The following PTPRG variants were observed in gnomAD, a reference collection of about 807,000 sequenced individuals.
The protein encoded by PTPRG is protein tyrosine phosphatase receptor type G.
Under a neutral mutation model 165.3 loss-of-function variants are expected in PTPRG, and 102 were observed. The observed-to-expected ratio is 0.62, with a 90% CI of 0.53 to 0.73. The LOEUF (loss-of-function observed/expected upper bound fraction) is 0.73, where lower values mean the gene tolerates loss of function less well. Among genes scored for constraint, PTPRG ranks in the 30% least tolerant of loss-of-function variants. The pLI is 0.00. For synonymous variants in PTPRG, 675 were observed against 669.5 expected (o/e 1.01, Z -0.13); for missense variants, 1,866 against 1,861.4 (o/e 1.00, Z -0.05).
intron 2 of PTPRG, among the ~76,000 whole-genome samples, chr3:61,827,662 A>G (rs926798939): frequency 5.9e-5 from 9 of 152,144 alleles, no homozygotes; most frequent in African/African-American, 1.9e-4. Flanking sequence ...GCATATATAT[A>G]TATCTTTCAA....
At chr3:61,858,280 T>C (rs1158746817) in intron 2 of PTPRG, among the ~76,000 whole-genome samples, 1 of 152,184 alleles carries the variant, frequency 6.6e-6, no homozygotes, top group Non-Finnish European at 1.5e-5. Flanking sequence ...AGAAGCCTAG[T>C]TCAGAAAGTA....
intron 1 of PTPRG, among the ~76,000 whole-genome samples, chr3:61,647,394 G>T (rs1411880212): frequency 1.3e-5 from 2 of 152,144 alleles, no homozygotes; most frequent in Non-Finnish European, 2.9e-5. Context: ...CCAAAGGAGG[G>T]TCAATACCAT....
intron 1 of PTPRG, among the ~76,000 whole-genome samples, chr3:61,728,305 T>C (rs557601427): frequency 1.2e-4 from 19 of 152,278 alleles, no homozygotes; most frequent in Admixed American, 1.0e-3. Context: ...TTTAAAGCTA[T>C]GCATGGTGGT....
intron 2 of PTPRG, among the ~76,000 whole-genome samples, chr3:61,838,001 C>T (rs2036521656): frequency 6.6e-6 from 1 of 152,194 alleles, no homozygotes; most frequent in Non-Finnish European, 1.5e-5. Flanking sequence ...CACATTTAAC[C>T]TTATTCACCC....
In PTPRG at chr3:62,219,061, C is replaced by A. The variant is rs191618056; in HGVS notation, c.2288+78C>A. ...TTTTGCTCACGGGAGGGGAATCCCA[C>A]GGCCTCTGCATTCAGGAAGGTGAGG... On this transcript the variant is annotated intron_variant, in intron 13 of 29. Coordinates refer to ENST00000474889, the MANE Select transcript of PTPRG (RefSeq NM_002841.4). The surrounding 1 kb of genome is among the most constrained non-coding windows in gnomAD (Gnocchi z 4.5). The A allele has an allele frequency of 1.9e-6, 3 of 1,543,360 alleles. No individual in the cohort carries two copies. The East Asian group carries it at 6.9e-5, about 35-fold the overall frequency.
intron 2 of PTPRG, among the ~76,000 whole-genome samples, chr3:61,945,726 T>C (rs1461279243): frequency 6.6e-6 from 1 of 152,082 alleles, no homozygotes; most frequent in Non-Finnish European, 1.5e-5. Context: ...CTTAAGTAAT[T>C]TTGCTAAATT....
intron 1 of PTPRG, among the ~76,000 whole-genome samples, chr3:61,736,587 C>T (rs1422305682): frequency 6.6e-6 from 1 of 151,906 alleles, no homozygotes; most frequent in Non-Finnish European, 1.5e-5. Context: ...GGCATTTGAC[C>T]AAGTAAATAT....
At chr3:62,091,101 A>G (rs74804685) in intron 5 of PTPRG, among the ~76,000 whole-genome samples, 4,722 of 152,366 alleles carry the variant, frequency 0.031, 203 homozygotes, top group East Asian at 0.21. Flanking sequence ...GGGTTAAAAA[A>G]TGCCAAAATA....
chr3:62,104,797 T>A (rs1304462569), intron 5 of PTPRG, among the ~76,000 whole-genome samples: 1 of 152,230 alleles, frequency 6.6e-6, no homozygotes, highest in Admixed American at 6.5e-5. Context: ...GTCTGCAAGG[T>A]CATATGTCAT....
At chr3:61,584,381 G>A (rs1332116054) in intron 1 of PTPRG, among the ~76,000 whole-genome samples, 2 of 152,158 alleles carry the variant, frequency 1.3e-5, no homozygotes, top group African/African-American at 4.8e-5. Flanking sequence ...CCTTAGAGTG[G>A]AGGTCAGCAG....
At chr3:61,822,703 G>A (rs1215247695) in intron 2 of PTPRG, among the ~76,000 whole-genome samples, 1 of 152,182 alleles carries the variant, frequency 6.6e-6, no homozygotes, top group Non-Finnish European at 1.5e-5. Flanking sequence ...TTTCCAATGT[G>A]AAGCTATTTT....
chr3:61,654,930 C>T (rs1401387639), intron 1 of PTPRG, among the ~76,000 whole-genome samples: 3 of 151,654 alleles, frequency 2.0e-5, no homozygotes, highest in Non-Finnish European at 4.4e-5. Context: ...TTTAGGTGCC[C>T]ACCACCATGC....
chr3:62,277,718 G>A, intron 26 of PTPRG, 39 bp downstream of exon 26: 2 of 1,606,038 alleles, frequency 1.2e-6, no homozygotes, highest in African/African-American at 2.7e-5. Context: ...ATGAGCCCAT[G>A]AGGCTACAAG....
intron 1 of PTPRG, among the ~76,000 whole-genome samples, chr3:61,740,015 A>G (rs1215986750): frequency 3.3e-5 from 5 of 152,244 alleles, no homozygotes; most frequent in African/African-American, 1.2e-4. Flanking sequence ...GCATACATGT[A>G]CAGTGGGTGA....
chr3:61,689,213 G>T (rs2029989479), intron 1 of PTPRG, among the ~76,000 whole-genome samples: 1 of 152,248 alleles, frequency 6.6e-6, no homozygotes, highest in East Asian at 1.9e-4. Context: ...AGCCAGAAGT[G>T]ATTTGGCTAT....
At chr3:62,109,126 A>G (rs1333979136) in intron 5 of PTPRG, among the ~76,000 whole-genome samples, 5 of 152,196 alleles carry the variant, frequency 3.3e-5, no homozygotes, top group South Asian at 2.1e-4. Flanking sequence ...GCCAATGCCT[A>G]TGTCCTGAAT....
At chr3:61,725,579 A>T (rs2032224106) in intron 1 of PTPRG, among the ~76,000 whole-genome samples, 1 of 152,090 alleles carries the variant, frequency 6.6e-6, no homozygotes, top group Non-Finnish European at 1.5e-5. Context: ...CCTGAATCTC[A>T]GCCTATACCA....
intron 1 of PTPRG, among the ~76,000 whole-genome samples, chr3:61,699,851 C>A (rs754405997): frequency 6.6e-6 from 1 of 152,154 alleles, no homozygotes; most frequent in Non-Finnish European, 1.5e-5. Flanking sequence ...GAATGATTTG[C>A]ATAAAACTGA....
At chr3:61,610,578 T>C (rs1575535976) in intron 1 of PTPRG, among the ~76,000 whole-genome samples, 3 of 152,356 alleles carry the variant, frequency 2.0e-5, no homozygotes, top group East Asian at 3.9e-4. Context: ...CTTAGGGTGA[T>C]AGTAAGAACA....
Sources: allele counts gnomAD v4.1 joint callset (sites outside exome capture counted in the v4.1 genomes callset), GRCh38; gene constraint gnomAD v4.1.1; non-coding constraint Gnocchi (gnomAD v3.1); transcripts MANE v1.5; gene names NCBI Gene and HGNC (gene_info 2026-07-23, HGNC 2026-07-21).